The following MMS19 variants were observed in gnomAD, a reference collection of about 807,000 sequenced individuals.
MMS19 encodes MMS19 cytosolic iron-sulfur assembly component, also known as MMS19 nucleotide excision repair protein homolog.
A neutral mutation model predicts 129.8 loss-of-function variants in MMS19; 77 were observed. The observed-to-expected ratio is 0.59, with a 90% CI of 0.49 to 0.72. MMS19 has a LOEUF of 0.72. MMS19 is among the 30% of genes least tolerant of loss of function. The pLI, the probability that MMS19 is intolerant of heterozygous loss-of-function variation, is 0.00. For synonymous variants in MMS19, 491 were observed against 502.8 expected (o/e 0.98, Z 0.31); for missense variants, 1,168 against 1,266.3 (o/e 0.92, Z 1.18).
At chr10:97,496,436 G>A (rs759422479) in intron 1 of MMS19, among the ~76,000 whole-genome samples, 9 of 149,332 alleles carry the variant, frequency 6.0e-5, no homozygotes, top group African/African-American at 1.7e-4. Flanking sequence ...GATTGCTTGA[G>A]CATAGGTCGA....
chr10:97,477,522 C>A lies in MMS19; in HGVS notation c.424-106G>T, dbSNP rs2035980881. The A allele has an allele frequency of 4.8e-6, 7 of 1,448,374 alleles. No individual in the cohort carries two copies. The East Asian group carries it at 1.4e-4, about 28-fold the overall frequency. The allele number at this position is 1,448,374 out of a possible 1,614,324, so 89.7% of individuals were successfully genotyped here. A position where few individuals can be genotyped will look rare whatever the true frequency, so the allele number is the denominator to read the frequency against. ...TCTAAGTGAACAGTGCTCTTTATACCAGCATAAGATCAATCTAAGAGAAAC... is the reference window on the plus strand; with the variant it reads ...TCTAAGTGAACAGTGCTCTTTATACAAGCATAAGATCAATCTAAGAGAAAC... On this transcript the variant is annotated intron_variant, in intron 5 of 30. Coordinates refer to ENST00000438925, the MANE Select transcript of MMS19 (RefSeq NM_022362.5).
At chr10:97,467,730 T>TTTAG in intron 13 of MMS19, 147 bp from the exon 14 acceptor site, 1 of 684,262 alleles carries the variant, frequency 1.5e-6, no homozygotes, top group Non-Finnish European at 2.4e-6. Context: ...GTAGCATGAT[T>TTTAG]ATAGCTCCCT....
chr10:97,487,427 T>C (rs2038108261), intron 1 of MMS19, among the ~76,000 whole-genome samples: 1 of 151,768 alleles, frequency 6.6e-6, no homozygotes. Context: ...CATGCCATTC[T>C]CCTGCCTCAG....
Position 97,463,849 on chromosome 10 carries a change from GAA to G in MMS19, c.1912+7_1912+8del, listed in dbSNP as rs779723000. ...TCCCAAAGGCCAGGAAGGAGAGGTG[GAA>G]AGTTACCTGGCATAGAGGCCTGCAC... On this transcript the variant is annotated splice_region_variant and intron_variant, in intron 19 of 30. Coordinates refer to ENST00000438925, the MANE Select transcript of MMS19 (RefSeq NM_022362.5). 1.2e-6 allele frequency: 2 copies of G among 1,607,360 alleles called. No homozygotes were observed. Among genetic ancestry groups the G allele is most frequent in the Admixed American group, 1.7e-5 (1 of 59,190 alleles).
intron 1 of MMS19, among the ~76,000 whole-genome samples, chr10:97,494,432 G>A (rs961279930): frequency 1.3e-5 from 2 of 152,166 alleles, no homozygotes; most frequent in African/African-American, 4.8e-5. Context: ...AGGGTGGGAG[G>A]ATGAGAAGGA....
At chr10:97,481,747 T>C (rs2036834917) in intron 2 of MMS19, among the ~76,000 whole-genome samples, 1 of 152,096 alleles carries the variant, frequency 6.6e-6, no homozygotes, top group South Asian at 2.1e-4. Context: ...GTGGAAGAGT[T>C]CTGGCCATGA....
chr10:97,469,774 G>T, intron 10 of MMS19, 51 bp from the exon 11 acceptor site: 1 of 1,524,572 alleles, frequency 6.6e-7, no homozygotes, highest in Non-Finnish European at 9.1e-7. Flanking sequence ...GACACCCTAG[G>T]ATGTGCAGGT....
rs1250397659 is a variant in MMS19 at position 97,459,258 on chromosome 10, A to G, written c.2929T>C (p.Cys977Arg). The G allele has an allele frequency of 3.1e-6, 5 of 1,613,246 alleles. No individual in the cohort carries two copies. The highest frequency in any genetic ancestry group is 4.2e-6 in the Non-Finnish European group (5 of 1,179,644). The change falls in exon 29 of 31, where the codon TGC becomes CGC. Residue 977 changes from cysteine (C) to arginine (R), a missense_variant. This residue lies in a region of MMS19 where 831 missense variants were observed against 910.8 expected (regional missense o/e 0.91). Coordinates refer to ENST00000438925, the MANE Select transcript of MMS19 (RefSeq NM_022362.5). ...GGCAGGCGAGTGAGAGCATGCATGCACTGCAGTGCGGCGATCCGGACAGCC... is the reference window on the plus strand; with the variant it reads ...GGCAGGCGAGTGAGAGCATGCATGCGCTGCAGTGCGGCGATCCGGACAGCC... The part of the protein sequence containing the change: ...SMAVRIAALQ[C>R]MHALTRLPTP...
chr10:97,461,293 C>T, intron 23 of MMS19: 1 of 644,674 alleles, frequency 1.6e-6, no homozygotes, highest in East Asian at 2.8e-5. Context: ...TTTGTGCTCC[C>T]TTCTCTTCTT....
chr10:97,478,476 T>C (rs1376068494), intron 3 of MMS19, 87 bp from the exon 4 acceptor site: 1 of 972,466 alleles, frequency 1.0e-6, no homozygotes, highest in Non-Finnish European at 1.6e-6. Context: ...ATAACAGTTG[T>C]TTCTGTTTGG....
chr10:97,466,111 A>G lies in MMS19; in HGVS notation c.1554T>C (p.Pro518=). ...EASGTLAALY[P]VAFSSHLVPK... ...GTACGAGGTGGCTGCTGAAGGCCAC[A>G]GGGTAGAGAGCAGCCAGGGTTCCTG... The change falls in exon 17 of 31, where the codon CCT becomes CCC. Residue 518 remains proline (P), a synonymous_variant. Transcript: ENST00000438925. The G allele has an allele frequency of 6.3e-7, 1 of 1,599,574 alleles. No individual in the cohort carries two copies. The highest frequency in any genetic ancestry group is 8.5e-7 in the Non-Finnish European group (1 of 1,172,884).
chr10:97,459,813 G>A, intron 26 of MMS19, 72 bp from the exon 27 acceptor site: 1 of 1,266,882 alleles, frequency 7.9e-7, no homozygotes, highest in Non-Finnish European at 1.1e-6. Flanking sequence ...ATTCCAATCT[G>A]TGGTGAGGCT....
chr10:97,483,832 C>G (rs546428041), intron 2 of MMS19, among the ~76,000 whole-genome samples: 1 of 152,362 alleles, frequency 6.6e-6, no homozygotes, highest in South Asian at 2.1e-4. Flanking sequence ...AACCACGTAC[C>G]TCATCCCAAA....
At chr10:97,483,301 T>C (rs1395580820) in intron 2 of MMS19, among the ~76,000 whole-genome samples, 1 of 152,026 alleles carries the variant, frequency 6.6e-6, no homozygotes, top group Non-Finnish European at 1.5e-5. Flanking sequence ...CAATCCACCT[T>C]CTTCGGCCTC....
At chr10:97,460,640 G>A (rs2031545297) in intron 25 of MMS19, 55 bp downstream of exon 25, 2 of 1,430,988 alleles carry the variant, frequency 1.4e-6, no homozygotes, top group Admixed American at 2.0e-5. Flanking sequence ...AGGAATAGGA[G>A]CAACCAGAAA....
At chr10:97,472,596 A>T (rs1398031212) in intron 8 of MMS19, among the ~76,000 whole-genome samples, 1 of 147,430 alleles carries the variant, frequency 6.8e-6, no homozygotes, top group African/African-American at 2.5e-5. Flanking sequence ...AATAATTTCC[A>T]TTTTTTTTTT....
chr10:97,482,737 T>TACACACACATAC (rs2037063878), intron 2 of MMS19, among the ~76,000 whole-genome samples: 1 of 98,394 alleles, frequency 1.0e-5, no homozygotes, highest in Non-Finnish European at 2.2e-5. Flanking sequence ...TGTATATATA[T>TACACACACATAC]ACACACACAC....
chr10:97,464,957 G>A lies in MMS19; in HGVS notation c.1756+848C>T, dbSNP rs1461128587. Among the ~76,000 whole-genome samples the A allele has an allele frequency of 3.3e-5, 5 of 152,148 alleles. No homozygotes were observed. The East Asian group carries it at 9.6e-4, about 29-fold the overall frequency. ...GAGCTCAAGTGATCCATCAGCCTTG[G>A]CCTCCCAAAGTGCTGGGATTACAGG... On this transcript the variant is annotated intron_variant, in intron 18 of 30. Transcript: ENST00000438925.
chr10:97,465,716 C>T (rs934706242), intron 18 of MMS19, 89 bp downstream of exon 18: 27 of 1,282,434 alleles, frequency 2.1e-5, no homozygotes, highest in Non-Finnish European at 2.9e-5. Context: ...TTCTGTTACT[C>T]TTATGTATAG....
Sources: gnomAD v4.1 joint callset for allele counts (sites outside exome capture counted in the v4.1 genomes callset) on GRCh38, gnomAD v4.1.1 for gene constraint, gnomAD v4.1.1 regional missense constraint, MANE v1.5 for transcripts, NCBI Gene and HGNC (gene_info 2026-07-23, HGNC 2026-07-21) for gene names.